The following EPSTI1 variants were observed in gnomAD, a reference collection of about 807,000 sequenced individuals.
EPSTI1 encodes the protein epithelial stromal interaction 1.
A neutral mutation model predicts 49.9 loss-of-function variants in EPSTI1; 66 were observed. The observed-to-expected ratio is 1.32, with a 90% CI of 1.08 to 1.62. The LOEUF (loss-of-function observed/expected upper bound fraction) is 1.62, where lower values mean the gene tolerates loss of function less well. Among genes scored for constraint, EPSTI1 ranks in the 40% most tolerant of loss-of-function variants. The probability of loss-of-function intolerance (pLI) is 0.00; values close to 1 mark genes in which losing one functional copy is unlikely to be tolerated. For missense variants in EPSTI1, 394 were observed against 365.5 expected (o/e 1.08, Z -0.64); for synonymous variants, 137 against 130.7 (o/e 1.05, Z -0.33).
intron 9 of EPSTI1, among the ~76,000 whole-genome samples, chr13:42,899,324 T>A (rs1349781189): frequency 1.3e-5 from 2 of 152,158 alleles, no homozygotes; most frequent in Admixed American, 6.5e-5. Flanking sequence ...CAATATAGCC[T>A]AACCGACATA....
chr13:42,926,398 T>G lies in EPSTI1; in HGVS notation c.595A>C (p.Thr199Pro), dbSNP rs780108676. ...KTAEFLSKLN[T>P]ESPDRSACQS... ...CAGGCACTTCTGTCTGGCGATTCTGTGTTCAGTTTGCTCAAGAACTCAGCG... is the reference window on the plus strand; with the variant it reads ...CAGGCACTTCTGTCTGGCGATTCTGGGTTCAGTTTGCTCAAGAACTCAGCG... Residue 199 changes from threonine to proline, a missense_variant, in exon 7 of 11, where the codon ACA (threonine) becomes CCA (proline). Thr to Pro is a conservative substitution (Grantham distance 38). Coordinates refer to ENST00000313624, the MANE Select transcript of EPSTI1 (RefSeq NM_033255.5). The G allele has an allele frequency of 6.2e-7, 1 of 1,613,740 alleles. No homozygotes were observed. The highest frequency in any genetic ancestry group is 1.7e-5 in the Admixed American group (1 of 60,026).
At chr13:42,950,100 G>A (rs1309772223) in intron 6 of EPSTI1, among the ~76,000 whole-genome samples, 3 of 152,172 alleles carry the variant, frequency 2.0e-5, no homozygotes, top group African/African-American at 4.8e-5. Context: ...GCTAACTGCC[G>A]ATTTCTACCC....
At chr13:42,961,418 A>G (rs2039445509) in intron 5 of EPSTI1, among the ~76,000 whole-genome samples, 2 of 152,236 alleles carry the variant, frequency 1.3e-5, no homozygotes, top group African/African-American at 2.4e-5. Context: ...GAACATCACT[A>G]GAAGTATATA....
intron 5 of EPSTI1, among the ~76,000 whole-genome samples, chr13:42,957,021 C>T (rs541559554): frequency 2.0e-5 from 3 of 152,250 alleles, no homozygotes; most frequent in Non-Finnish European, 2.9e-5. Context: ...ACACGAGAAC[C>T]CCTGGGGTGA....
At chr13:42,933,611 G>A (rs2038453351) in intron 6 of EPSTI1, among the ~76,000 whole-genome samples, 1 of 152,162 alleles carries the variant, frequency 6.6e-6, no homozygotes, top group South Asian at 2.1e-4. Context: ...TCTCTCATTT[G>A]TTTAAGATTT....
chr13:42,991,866 A>G (rs938389289), intron 1 of EPSTI1, 112 bp downstream of exon 1: 2 of 1,199,802 alleles, frequency 1.7e-6, no homozygotes, highest in Non-Finnish European at 2.4e-6. Context: ...TTCAGTCAAA[A>G]TCCCTGTTGT....
At chr13:42,901,688 A>C (rs1169745863) in intron 8 of EPSTI1, among the ~76,000 whole-genome samples, 3 of 152,202 alleles carry the variant, frequency 2.0e-5, no homozygotes, top group Non-Finnish European at 4.4e-5. Flanking sequence ...TCGTCTCCAC[A>C]ATCATTTTCA....
At chr13:42,964,359 C>T (rs1474558781) in intron 3 of EPSTI1, among the ~76,000 whole-genome samples, 2 of 149,924 alleles carry the variant, frequency 1.3e-5, no homozygotes, top group African/African-American at 5.1e-5. Context: ...ATTTTTAAAA[C>T]AAAAGAGCAC....
chr13:42,897,518 A>T (rs1170969910), intron 9 of EPSTI1, among the ~76,000 whole-genome samples: 1 of 152,200 alleles, frequency 6.6e-6, no homozygotes, highest in African/African-American at 2.4e-5. Flanking sequence ...GAATGAAACA[A>T]ATCTTCCTGG....
intron 1 of EPSTI1, among the ~76,000 whole-genome samples, chr13:42,980,971 G>C (rs1473703808): frequency 6.6e-6 from 1 of 152,162 alleles, no homozygotes; most frequent in Non-Finnish European, 1.5e-5. Flanking sequence ...TTTCTTACAA[G>C]ATTAGGTAGC....
intron 6 of EPSTI1, among the ~76,000 whole-genome samples, chr13:42,928,121 G>C (rs760306040): frequency 2.2e-4 from 34 of 152,158 alleles, no homozygotes; most frequent in Non-Finnish European, 4.1e-4. Flanking sequence ...CATGCCGCAG[G>C]ATATAAAGCA....
intron 8 of EPSTI1, 146 bp downstream of exon 8, chr13:42,917,395 T>G: frequency 1.3e-6 from 1 of 775,294 alleles, no homozygotes; most frequent in East Asian, 2.5e-5. Context: ...TTAAAACACA[T>G]CCAGAAACTC....
intron 8 of EPSTI1, among the ~76,000 whole-genome samples, chr13:42,912,823 TA>T (rs139881765): frequency 2.2e-4 from 31 of 142,830 alleles, no homozygotes; most frequent in South Asian, 2.2e-4. Flanking sequence ...AGAATCCAAT[TA>T]AAAAAAAAAG....
chr13:42,910,741 A>AT (rs916880380), intron 8 of EPSTI1, among the ~76,000 whole-genome samples: 9 of 151,572 alleles, frequency 5.9e-5, no homozygotes, highest in Admixed American at 1.3e-4. Flanking sequence ...AAAACAGGGA[A>AT]TTTTTTTTTA....
At chr13:42,915,583 C>CA (rs1485733581) in intron 8 of EPSTI1, among the ~76,000 whole-genome samples, 1 of 151,488 alleles carries the variant, frequency 6.6e-6, no homozygotes, top group Non-Finnish European at 1.5e-5. Flanking sequence ...ACACGTCAGG[C>CA]AAAAAAAGAG....
At position 42,922,551 on chromosome 13, in the gene EPSTI1, T is replaced by C. The variant is rs1359156278; in HGVS notation, c.657+3785A>G. Among the ~76,000 whole-genome samples the C allele has an allele frequency of 6.6e-6, 1 of 152,148 alleles. No homozygotes were observed. The highest frequency in any genetic ancestry group is 1.5e-5 in the Non-Finnish European group (1 of 68,032). On this transcript the variant is annotated intron_variant, in intron 7 of 10. Coordinates refer to ENST00000313624, the MANE Select transcript of EPSTI1 (RefSeq NM_033255.5). The surrounding 1 kb of genome is among the most constrained non-coding windows in gnomAD (Gnocchi z 4.8). ...CCTGTTGATACCCTCATTTTAGCAT[T>C]TTAAAACCCATTTTTATTGCTGACC...
chr13:42,905,711 G>T (rs1354100203), intron 8 of EPSTI1, among the ~76,000 whole-genome samples: 1 of 152,054 alleles, frequency 6.6e-6, no homozygotes, highest in Non-Finnish European at 1.5e-5. Context: ...CATGCTAAAG[G>T]TACAGATATC....
chr13:42,974,193 G>A (rs1448497747), intron 1 of EPSTI1, among the ~76,000 whole-genome samples: 2 of 151,656 alleles, frequency 1.3e-5, no homozygotes, highest in Admixed American at 6.6e-5. Flanking sequence ...AAAATTAGCC[G>A]GGTGTGATAG....
intron 7 of EPSTI1, among the ~76,000 whole-genome samples, chr13:42,924,601 A>G (rs533619865): frequency 6.6e-6 from 1 of 152,302 alleles, no homozygotes; most frequent in East Asian, 1.9e-4. Context: ...CCTGACAGCC[A>G]CAAGGATATC....
Sources: allele counts gnomAD v4.1 joint callset (sites outside exome capture counted in the v4.1 genomes callset), GRCh38; gene constraint gnomAD v4.1.1; non-coding constraint Gnocchi (gnomAD v3.1); transcripts MANE v1.5; gene names NCBI Gene and HGNC (gene_info 2026-07-23, HGNC 2026-07-21).